The following SLC44A1 variants were observed in gnomAD, a reference collection of about 807,000 sequenced individuals.
The protein encoded by SLC44A1 is choline transporter-like protein 1.
Under a neutral mutation model 79.3 loss-of-function variants are expected in SLC44A1, and 26 were observed. That is an observed-to-expected ratio of 0.33 (90% confidence interval 0.24 to 0.46). The LOEUF is 0.46. SLC44A1 is among the 20% of genes least tolerant of loss of function. The probability of loss-of-function intolerance (pLI) is 1.00; values close to 1 mark genes in which losing one functional copy is unlikely to be tolerated. For missense variants in SLC44A1, 688 were observed against 798.1 expected, an observed-to-expected ratio of 0.86 and a Z score of 1.66; for synonymous variants, 263 against 286.2, an observed-to-expected ratio of 0.92 and a Z score of 0.82.
At chr9:105,265,952 T>C (rs1469990879) in intron 1 of SLC44A1, among the ~76,000 whole-genome samples, 1 of 140,418 alleles carries the variant, frequency 7.1e-6, no homozygotes, top group African/African-American at 3.3e-5. Context: ...TCTCTCTCTC[T>C]CTTTCTCTGT....
chr9:105,324,728 G>A (rs1333506000), intron 3 of SLC44A1, among the ~76,000 whole-genome samples: 1 of 152,196 alleles, frequency 6.6e-6, no homozygotes, highest in African/African-American at 2.4e-5. Flanking sequence ...AAACAGCTAT[G>A]TGAATGTCTA....
chr9:105,353,189 GACAT>G (rs1192760152), intron 5 of SLC44A1, among the ~76,000 whole-genome samples: 1 of 151,676 alleles, frequency 6.6e-6, no homozygotes, highest in Non-Finnish European at 1.5e-5. Context: ...TTTTTTAACT[GACAT>G]AGATTGAATT....
intron 13 of SLC44A1, among the ~76,000 whole-genome samples, chr9:105,378,870 A>C (rs9299386): frequency 0.1 from 15,236 of 152,262 alleles, 1,944 homozygotes; most frequent in African/African-American, 0.3. Flanking sequence ...ATTATAAAAC[A>C]TGATGCCAGA....
rs578260880 is a variant in SLC44A1, at chr9:105,318,781, A to G, written c.269+8915A>G. On this transcript the variant is annotated intron_variant, in intron 3 of 15. Transcript: ENST00000374720. ...AAAGTCAAAATGTTTTGCCAATTCT[A>G]AATAGGGAAGTGAAAACCTGTTTAA... Among the ~76,000 whole-genome samples the G allele has an allele frequency of 6.8e-4, 96 of 140,966 alleles. 4 individuals are homozygous for G. Among genetic ancestry groups the G allele is most frequent in the African/African-American group, 2.9e-3 (88 of 30,866 alleles). The allele number at this position is 140,966 out of a possible 152,430, so 92.5% of individuals were successfully genotyped here.
intron 1 of SLC44A1, among the ~76,000 whole-genome samples, chr9:105,263,582 A>T (rs1588711153): frequency 6.8e-6 from 1 of 148,046 alleles, no homozygotes; most frequent in Admixed American, 6.8e-5. Flanking sequence ...TGTTGCCCAG[A>T]CTGGAGTGCA....
chr9:105,282,516 C>G (rs1303802069), intron 1 of SLC44A1, among the ~76,000 whole-genome samples: 1 of 152,028 alleles, frequency 6.6e-6, no homozygotes, highest in Non-Finnish European at 1.5e-5. Context: ...ATTTCCTTCT[C>G]TACTTGCTTC....
intron 3 of SLC44A1, among the ~76,000 whole-genome samples, chr9:105,319,706 C>T (rs1024272531): frequency 2.6e-5 from 4 of 152,154 alleles, no homozygotes; most frequent in African/African-American, 9.7e-5. Context: ...AACAAAGACA[C>T]TCCTATAAGG....
chr9:105,334,182 C>G (rs1467053346), intron 3 of SLC44A1, among the ~76,000 whole-genome samples: 1 of 151,828 alleles, frequency 6.6e-6, no homozygotes, highest in Non-Finnish European at 1.5e-5. Context: ...TTCTTTCCTT[C>G]TATCTGCATA....
At chr9:105,351,999 G>T (rs1827463749) in intron 5 of SLC44A1, among the ~76,000 whole-genome samples, 1 of 152,200 alleles carries the variant, frequency 6.6e-6, no homozygotes, top group Admixed American at 6.5e-5. Flanking sequence ...AGTGGCTCAT[G>T]CCTGTAATCC....
intron 1 of SLC44A1, among the ~76,000 whole-genome samples, chr9:105,288,903 T>C (rs1047570060): frequency 6.6e-6 from 1 of 152,230 alleles, no homozygotes; most frequent in African/African-American, 2.4e-5. Context: ...TTTTGGAGAA[T>C]CTTACAATAA....
intron 1 of SLC44A1, among the ~76,000 whole-genome samples, chr9:105,291,461 G>A (rs1237347890): frequency 6.6e-6 from 1 of 152,236 alleles, no homozygotes; most frequent in Admixed American, 6.5e-5. Context: ...AGGTGTGTCA[G>A]GGAGTAGTTA....
At chr9:105,363,519 C>T (rs1827848103) in intron 9 of SLC44A1, among the ~76,000 whole-genome samples, 1 of 149,368 alleles carries the variant, frequency 6.7e-6, no homozygotes, top group African/African-American at 2.5e-5. Context: ...AACTGGAGTG[C>T]AGTGGTGTGA....
At chr9:105,249,430 C>A (rs1017673280) in intron 1 of SLC44A1, among the ~76,000 whole-genome samples, 1 of 151,988 alleles carries the variant, frequency 6.6e-6, no homozygotes, top group Non-Finnish European at 1.5e-5. Flanking sequence ...TTTCCTTCAT[C>A]TTCTGAATAC....
intron 3 of SLC44A1, 37 bp from the exon 4 acceptor site, chr9:105,335,526 G>A (rs780290201): frequency 6.4e-7 from 1 of 1,573,434 alleles, no homozygotes; most frequent in South Asian, 1.1e-5. Context: ...AATGTGTTTT[G>A]TGAAGTAATA....
In SLC44A1 at chr9:105,335,652, A is replaced by G; in HGVS notation, c.359A>G (p.Gln120Arg). Residue 120 changes from glutamine to arginine, a missense_variant, in exon 4 of 16, where the codon CAA (glutamine) becomes CGA (arginine). Transcript: ENST00000374720. Reference sequence around the variant, plus strand: ...CTGTGTGTAGCAGCGTGTCCAAGGCAAGAACTGAAAACTCTGAGTGATGTT... The same window carrying G: ...CTGTGTGTAGCAGCGTGTCCAAGGCGAGAACTGAAAACTCTGAGTGATGTT... Reference protein sequence around the residue: ...VALCVAACPRQELKTLSDVQK... With the variant: ...VALCVAACPRRELKTLSDVQK... 10 of 1,613,868 alleles carry G rather than the reference A, an allele frequency of 6.2e-6. No homozygotes were observed. Among genetic ancestry groups the G allele is most frequent in the Non-Finnish European group, 8.5e-6 (10 of 1,179,834 alleles).
chr9:105,391,191 C>T lies in SLC44A1; in HGVS notation c.*2135C>T, dbSNP rs1828755050. ...TCCTGAACTTGGAAATTAGGTTCTA[C>T]TCACTTGGACATCCCTGCATCATGG... On this transcript the variant is annotated 3_prime_UTR_variant, in exon 16 of 16. Coordinates refer to ENST00000374720, the MANE Select transcript of SLC44A1 (RefSeq NM_080546.5). 2 of 985,778 alleles carry T rather than the reference C, an allele frequency of 2.0e-6. No individual in the cohort carries two copies. The highest frequency in any genetic ancestry group is 1.1e-4 in the East Asian group (1 of 8,814). 61.1% of individuals were successfully genotyped at this position (985,778 alleles called of 1,614,324 possible). A position where few individuals can be genotyped will look rare whatever the true frequency, so the allele number is the denominator to read the frequency against.
At chr9:105,434,071 C>G (rs1312600116) in intron 15 of SLC44A1, among the ~76,000 whole-genome samples, 1 of 152,186 alleles carries the variant, frequency 6.6e-6, no homozygotes, top group Non-Finnish European at 1.5e-5. Flanking sequence ...TGGTCGGTGG[C>G]TCATGCCTGT....
intron 4 of SLC44A1, among the ~76,000 whole-genome samples, chr9:105,342,185 C>T (rs1276053060): frequency 2.0e-5 from 3 of 152,154 alleles, no homozygotes. Flanking sequence ...TGGTCAATTG[C>T]AGTCTGAAAA....
chr9:105,301,153 C>G (rs1025765184), intron 2 of SLC44A1, among the ~76,000 whole-genome samples: 56 of 152,290 alleles, frequency 3.7e-4, no homozygotes, highest in African/African-American at 1.3e-3. Context: ...AGCAGCTGAC[C>G]TTTCAAAATT....
Sources: gnomAD v4.1 joint callset for allele counts (sites outside exome capture counted in the v4.1 genomes callset) on GRCh38, gnomAD v4.1.1 for gene constraint, MANE v1.5 for transcripts, NCBI Gene and HGNC (gene_info 2026-07-23, HGNC 2026-07-21) for gene names.